Variants in ANKS1B observed in about 807,000 individuals in gnomAD.
ANKS1B encodes ankyrin repeat and sterile alpha motif domain-containing protein 1B.
A neutral mutation model predicts 148.3 loss-of-function variants in ANKS1B; 36 were observed. The ratio of observed to expected loss-of-function variants is 0.24; its 90% confidence interval spans 0.19 to 0.32. The LOEUF is 0.32. ANKS1B is among the 10% of genes least tolerant of loss of function. The probability of loss-of-function intolerance (pLI) is 1.00; values close to 1 mark genes in which losing one functional copy is unlikely to be tolerated. For synonymous variants in ANKS1B, 542 were observed against 560.8 expected, an observed-to-expected ratio of 0.97 and a Z score of 0.47; for missense variants, 1,157 against 1,542.6, an observed-to-expected ratio of 0.75 and a Z score of 4.19.
At chr12:99,837,936 C>G (rs2085103988) in intron 1 of ANKS1B, among the ~76,000 whole-genome samples, 1 of 148,602 alleles carries the variant, frequency 6.7e-6, no homozygotes, top group South Asian at 2.1e-4. Flanking sequence ...CAACCCCAAC[C>G]CTCCCACCTT....
chr12:99,673,183 G>T (rs964639774), intron 8 of ANKS1B, among the ~76,000 whole-genome samples: 10 of 151,982 alleles, frequency 6.6e-5, no homozygotes, highest in African/African-American at 2.2e-4. Flanking sequence ...AAACTTTCCA[G>T]AATCAAGAAA....
At chr12:99,133,882 T>C (rs1402697900) in intron 15 of ANKS1B, among the ~76,000 whole-genome samples, 1 of 152,238 alleles carries the variant, frequency 6.6e-6, no homozygotes, top group East Asian at 1.9e-4. Context: ...AATGGAATCA[T>C]ATAAACTTCA....
chr12:99,522,830 T>C (rs955765007), intron 9 of ANKS1B, among the ~76,000 whole-genome samples: 2 of 152,162 alleles, frequency 1.3e-5, no homozygotes, highest in Non-Finnish European at 2.9e-5. Context: ...CTAATTAGTA[T>C]TGGGAATGAT....
intron 17 of ANKS1B, among the ~76,000 whole-genome samples, chr12:98,854,913 A>C (rs1279111252): frequency 6.6e-6 from 1 of 151,436 alleles, no homozygotes; most frequent in Non-Finnish European, 1.5e-5. Flanking sequence ...TAATCCCAGC[A>C]CTTTGGGAGG....
intron 8 of ANKS1B, among the ~76,000 whole-genome samples, chr12:99,685,164 A>C (rs2098642482): frequency 2.0e-5 from 3 of 152,172 alleles, no homozygotes; most frequent in Admixed American, 6.5e-5. Context: ...AAATCATCAC[A>C]AACTATGCAT....
At chr12:99,411,575 A>G (rs956747688) in intron 11 of ANKS1B, among the ~76,000 whole-genome samples, 1 of 152,172 alleles carries the variant, frequency 6.6e-6, no homozygotes, top group African/African-American at 2.4e-5. Context: ...TCAACCTGGG[A>G]TATTTTGTGT....
chr12:98,953,473 T>C (rs2099857027), intron 17 of ANKS1B, among the ~76,000 whole-genome samples: 1 of 151,808 alleles, frequency 6.6e-6, no homozygotes, highest in African/African-American at 2.4e-5. Flanking sequence ...AGCTTTTTAA[T>C]TGGCTTTGTC....
chr12:99,414,306 A>G (rs2094822107), intron 11 of ANKS1B, among the ~76,000 whole-genome samples: 1 of 151,972 alleles, frequency 6.6e-6, no homozygotes, highest in African/African-American at 2.4e-5. Flanking sequence ...TGAGCCTGAC[A>G]TTTTGCTGGC....
rs148230932 is a variant in ANKS1B, at chr12:99,524,242, C to T, written c.1273-19601G>A. On this transcript the variant is annotated intron_variant, in intron 9 of 26. Coordinates refer to ENST00000683438, the MANE Select transcript of ANKS1B (RefSeq NM_001352186.2). ...GAAGAAAAATAACTTTTTTTTAAAA[C>T]GAAGATACTTTAGGTGGGAGCAAAG... 2.2e-3 allele frequency among the ~76,000 whole-genome samples: 331 copies of T among 151,976 alleles called. 1 individual carries two copies. Among genetic ancestry groups the T allele is most frequent in the African/African-American group, 7.0e-3 (291 of 41,446 alleles).
At chr12:99,083,351 C>T (rs2050505416) in intron 16 of ANKS1B, among the ~76,000 whole-genome samples, 1 of 152,066 alleles carries the variant, frequency 6.6e-6, no homozygotes, top group Non-Finnish European at 1.5e-5. Context: ...TCCAATCTGC[C>T]CCACAGTCTT....
chr12:99,160,570 G>C (rs1174497158), intron 14 of ANKS1B, among the ~76,000 whole-genome samples: 1 of 149,562 alleles, frequency 6.7e-6, no homozygotes, highest in Non-Finnish European at 1.5e-5. Context: ...GGATGGTCTC[G>C]ATCTCCTGAC....
At chr12:99,120,791 G>C (rs1470547338) in intron 15 of ANKS1B, among the ~76,000 whole-genome samples, 1 of 152,124 alleles carries the variant, frequency 6.6e-6, no homozygotes, top group African/African-American at 2.4e-5. Context: ...AGGTCCCTGG[G>C]GGGCATCCAC....
intron 8 of ANKS1B, among the ~76,000 whole-genome samples, chr12:99,690,878 AC>A (rs2098675637): frequency 6.6e-6 from 1 of 152,096 alleles, no homozygotes; most frequent in African/African-American, 2.4e-5. Context: ...GGAGGCTTCA[AC>A]CCCACATTTT....
intron 11 of ANKS1B, among the ~76,000 whole-genome samples, chr12:99,409,033 A>G (rs1394134416): frequency 6.6e-6 from 1 of 152,148 alleles, no homozygotes; most frequent in East Asian, 1.9e-4. Context: ...TATCGAAAAC[A>G]TAGCTCATTC....
rs572927421 is a variant in ANKS1B, at chr12:99,149,162, T to C, written c.2526+5127A>G. On this transcript the variant is annotated intron_variant, in intron 15 of 26. Transcript: ENST00000683438. Reference sequence around the variant, plus strand: ...TTTGGATCACAATATGCTACTAAGATACTTAAAAGGTCATTTTTTCAGGCC... The same window carrying C: ...TTTGGATCACAATATGCTACTAAGACACTTAAAAGGTCATTTTTTCAGGCC... Among the ~76,000 whole-genome samples, 249 of 152,258 alleles carry C rather than the reference T, an allele frequency of 1.6e-3. 1 individual carries two copies. Among genetic ancestry groups the C allele is most frequent in the South Asian group, 5.2e-3 (25 of 4,832 alleles).
intron 17 of ANKS1B, among the ~76,000 whole-genome samples, chr12:98,966,918 G>T (rs2099878532): frequency 2.0e-5 from 3 of 151,894 alleles, no homozygotes; most frequent in South Asian, 2.1e-4. Context: ...AGGGATAACA[G>T]TAGGAGATAT....
intron 9 of ANKS1B, among the ~76,000 whole-genome samples, chr12:99,639,445 A>C (rs1305858739): frequency 6.6e-6 from 1 of 152,060 alleles, no homozygotes; most frequent in Non-Finnish European, 1.5e-5. Flanking sequence ...GGAAAGGCAT[A>C]ATTGATTTGA....
intron 22 of ANKS1B, among the ~76,000 whole-genome samples, chr12:98,787,143 C>A (rs908216435): frequency 6.6e-6 from 1 of 152,122 alleles, no homozygotes; most frequent in Non-Finnish European, 1.5e-5. Context: ...AAAAAACATA[C>A]ACAAAATAAG....
intron 1 of ANKS1B, among the ~76,000 whole-genome samples, chr12:99,842,449 CT>C (rs2153698462): frequency 6.6e-6 from 1 of 152,216 alleles, no homozygotes; most frequent in South Asian, 2.1e-4. Context: ...TGTGTACTTC[CT>C]TGTAAAATAG....
Sources: allele counts gnomAD v4.1 joint callset (sites outside exome capture counted in the v4.1 genomes callset), GRCh38; gene constraint gnomAD v4.1.1; transcripts MANE v1.5; gene names NCBI Gene and HGNC (gene_info 2026-07-23, HGNC 2026-07-21).